The following GALNT13 variants were observed in gnomAD, a reference collection of about 807,000 sequenced individuals.
GALNT13 encodes the protein UDP-GalNAc:polypeptide N-acetylgalactosaminyltransferase 13.
Under a neutral mutation model 64.2 loss-of-function variants are expected in GALNT13, and 28 were observed. The observed-to-expected ratio is 0.44, with a 90% CI of 0.32 to 0.60. GALNT13 has a LOEUF of 0.60. Among genes scored for constraint, GALNT13 ranks in the 20% least tolerant of loss-of-function variants. The probability of loss-of-function intolerance (pLI) is 0.05; values close to 1 mark genes in which losing one functional copy is unlikely to be tolerated. For synonymous variants in GALNT13, 214 were observed against 224.6 expected (o/e 0.95, Z 0.42); for missense variants, 577 against 669.8 (o/e 0.86, Z 1.53).
chr2:153,958,998 G>A lies in GALNT13; in HGVS notation c.142+14359G>A, dbSNP rs953589769. 2.0e-5 allele frequency among the ~76,000 whole-genome samples: 3 copies of A among 152,236 alleles called. No individual in the cohort carries two copies. The South Asian group carries it at 6.2e-4, about 32-fold the overall frequency. ...AGGAACTCCCAGTTCCTTTGGCCAA[G>A]AGGGGCTTAAGCAAGGCACTTGTTA... On this transcript the variant is annotated intron_variant, in intron 3 of 12. Coordinates refer to ENST00000392825, the MANE Select transcript of GALNT13 (RefSeq NM_052917.4).
At chr2:153,205,916 A>T in the GALNT13 span, among the ~76,000 whole-genome samples, 19 of 152,044 alleles carry the variant, frequency 1.2e-4, no homozygotes, top group African/African-American at 4.6e-4. Context: ...TAGTTTCTAA[A>T]ATATTTTTCT....
chr2:153,193,303 C>A, the GALNT13 span, among the ~76,000 whole-genome samples: 2 of 151,572 alleles, frequency 1.3e-5, no homozygotes, highest in African/African-American at 2.4e-5. Context: ...TTTGTAGAGA[C>A]ATGGATGAAA....
At chr2:153,259,266 T>G in the GALNT13 span, among the ~76,000 whole-genome samples, 1 of 151,416 alleles carries the variant, frequency 6.6e-6, no homozygotes, top group African/African-American at 2.4e-5. Context: ...TGTTTTCCAT[T>G]GTCATAAAAT....
chr2:153,847,646 A>T, the GALNT13 span, among the ~76,000 whole-genome samples: 1 of 152,156 alleles, frequency 6.6e-6, no homozygotes, highest in Non-Finnish European at 1.5e-5. Flanking sequence ...AAATGTAATT[A>T]TAACAGAAAT....
intron 4 of GALNT13, among the ~76,000 whole-genome samples, chr2:154,145,620 CA>C (rs1050939133): frequency 8.6e-5 from 13 of 151,796 alleles, no homozygotes; most frequent in Non-Finnish European, 1.9e-4. Flanking sequence ...TATCCTAGGC[CA>C]AATAACTGCT....
chr2:153,979,018 G>A (rs1694267547), intron 3 of GALNT13, among the ~76,000 whole-genome samples: 2 of 151,980 alleles, frequency 1.3e-5, no homozygotes, highest in South Asian at 4.1e-4. Flanking sequence ...TTATTACTAG[G>A]ATTAAATTAT....
At chr2:154,177,616 C>T (rs540484918) in intron 4 of GALNT13, among the ~76,000 whole-genome samples, 42 of 151,850 alleles carry the variant, frequency 2.8e-4, no homozygotes, top group African/African-American at 5.8e-4. Flanking sequence ...ATTAAAGTAG[C>T]GCATTAATGC....
At chr2:154,302,027 A>T (rs886811051) in intron 9 of GALNT13, among the ~76,000 whole-genome samples, 5 of 152,094 alleles carry the variant, frequency 3.3e-5, no homozygotes, top group Non-Finnish European at 5.9e-5. Context: ...ATATGAGTAA[A>T]ACGTTTTCAT....
chr2:153,963,766 TG>T (rs1693122295), intron 3 of GALNT13, among the ~76,000 whole-genome samples: 1 of 150,002 alleles, frequency 6.7e-6, no homozygotes, highest in Non-Finnish European at 1.5e-5. Flanking sequence ...TGTGTGTGTG[TG>T]TGTGTGTGTG....
intron 3 of GALNT13, among the ~76,000 whole-genome samples, chr2:154,137,754 T>A (rs1485717146): frequency 6.6e-6 from 1 of 152,064 alleles, no homozygotes; most frequent in African/African-American, 2.4e-5. Flanking sequence ...CTTGGAAGCA[T>A]TGTGTTGATT....
the GALNT13 span, among the ~76,000 whole-genome samples, chr2:153,133,558 G>C: frequency 6.6e-6 from 1 of 152,132 alleles, no homozygotes; most frequent in East Asian, 1.9e-4. Flanking sequence ...TCCTGGTTGT[G>C]TGACAAGAAC....
chr2:153,936,501 C>T (rs1030190889), intron 2 of GALNT13, among the ~76,000 whole-genome samples: 2 of 152,048 alleles, frequency 1.3e-5, no homozygotes, highest in Admixed American at 6.6e-5. Context: ...CTGGAGGTGA[C>T]TGATTGGCCT....
At chr2:153,929,659 T>A (rs1339251002) in intron 2 of GALNT13, among the ~76,000 whole-genome samples, 1 of 152,166 alleles carries the variant, frequency 6.6e-6, no homozygotes, top group African/African-American at 2.4e-5. Flanking sequence ...TCCATCCATG[T>A]TGCTGCAAAA....
the GALNT13 span, among the ~76,000 whole-genome samples, chr2:153,682,907 C>A: frequency 1.3e-5 from 2 of 151,584 alleles, no homozygotes; most frequent in Non-Finnish European, 3.0e-5. Context: ...ACAGGGCACA[C>A]CTTTCTGGAT....
At chr2:153,682,281 C>T in the GALNT13 span, among the ~76,000 whole-genome samples, 1 of 151,616 alleles carries the variant, frequency 6.6e-6, no homozygotes, top group Non-Finnish European at 1.5e-5. Flanking sequence ...TCTTTAAATC[C>T]TCCTGCTGAT....
At chr2:153,503,230 T>C in the GALNT13 span, among the ~76,000 whole-genome samples, 1 of 152,198 alleles carries the variant, frequency 6.6e-6, no homozygotes, top group Non-Finnish European at 1.5e-5. Context: ...TTGAAGTATT[T>C]GACCCATCTT....
chr2:153,401,440 G>A, the GALNT13 span, among the ~76,000 whole-genome samples: 1 of 150,738 alleles, frequency 6.6e-6, no homozygotes, highest in Non-Finnish European at 1.5e-5. Flanking sequence ...TGTCTATTAG[G>A]TCTGCTTGGT....
At chr2:153,919,453 A>G (rs1234552974) in intron 2 of GALNT13, among the ~76,000 whole-genome samples, 1 of 151,946 alleles carries the variant, frequency 6.6e-6, no homozygotes, top group East Asian at 1.9e-4. Flanking sequence ...GATATATATA[A>G]ACAACAAAAT....
At chr2:154,190,908 A>G (rs963738434) in intron 4 of GALNT13, among the ~76,000 whole-genome samples, 1 of 152,240 alleles carries the variant, frequency 6.6e-6, no homozygotes, top group African/African-American at 2.4e-5. Flanking sequence ...GAGATACTTT[A>G]TATTCTTTTA....
Sources: allele counts gnomAD v4.1 joint callset (sites outside exome capture counted in the v4.1 genomes callset), GRCh38; gene constraint gnomAD v4.1.1; transcripts MANE v1.5; gene names NCBI Gene and HGNC (gene_info 2026-07-23, HGNC 2026-07-21).